NKAIN1: variants seen among roughly 807,000 people sequenced by gnomAD.
NKAIN1 encodes the protein sodium/potassium transporting ATPase interacting 1, also known as sodium/potassium-transporting ATPase subunit beta-1-interacting protein 1.
NKAIN1 carries 13 observed loss-of-function variants against 31.6 expected under a neutral mutation model. That is an observed-to-expected ratio of 0.41 (90% CI 0.27 to 0.65). The LOEUF (loss-of-function observed/expected upper bound fraction) is 0.65. Among genes scored for constraint, NKAIN1 ranks in the 30% least tolerant of loss-of-function variants. The probability of loss-of-function intolerance (pLI) is 0.30; values close to 1 mark genes in which losing one functional copy is unlikely to be tolerated. For synonymous variants in NKAIN1, 104 were observed against 109.0 expected (o/e 0.95, Z 0.28); for missense variants, 193 against 262.2 (o/e 0.74, Z 1.82).
intron 5 of NKAIN1, 140 bp from the exon 6 acceptor site, chr1:31,182,081 C>A: frequency 1.2e-6 from 1 of 834,958 alleles, no homozygotes; most frequent in Non-Finnish European, 1.9e-6. Context: ...AGGGGAGGGG[C>A]GAGGGTCAGA....
At chr1:31,207,950 A>G (rs1222886599) in intron 1 of NKAIN1, among the ~76,000 whole-genome samples, 3 of 152,124 alleles carry the variant, frequency 2.0e-5, no homozygotes, top group Non-Finnish European at 4.4e-5. Flanking sequence ...GCAGGAACAC[A>G]GATCTGCAGG....
intron 5 of NKAIN1, 42 bp from the exon 6 acceptor site, chr1:31,181,983 G>C: frequency 6.4e-7 from 1 of 1,558,496 alleles, no homozygotes; most frequent in Non-Finnish European, 8.7e-7. Flanking sequence ...CGGCGGCGGG[G>C]GCGAGGAGAG....
In NKAIN1 at chr1:31,184,008, C is replaced by CCCGGT. The variant is rs764398071; in HGVS notation, c.275_279dup (p.Asp94ThrfsTer6). ...GATGTGTTGAAGGTCATGATGAAGT[C>CCCGGT]CCGGTCCTGGGGGCAAAGGGGCCTG... is the stretch of plus-strand genomic sequence containing the variant. On this transcript the variant is annotated frameshift_variant, in exon 4 of 7. Coordinates refer to ENST00000373736, the MANE Select transcript of NKAIN1 (RefSeq NM_024522.3). LOFTEE classifies it high-confidence loss of function. 3 of 1,613,284 alleles carry CCCGGT rather than the reference C, an allele frequency of 1.9e-6. No individual in the cohort carries two copies. Among genetic ancestry groups the CCCGGT allele is most frequent in the Non-Finnish European group, 2.5e-6 (3 of 1,179,674 alleles).
intron 1 of NKAIN1, among the ~76,000 whole-genome samples, chr1:31,225,023 C>CTTTTT (rs1553163959): frequency 1.0e-5 from 1 of 98,522 alleles, no homozygotes; most frequent in South Asian, 3.4e-4. Context: ...ATTTCTTTTT[C>CTTTTT]TTTTCTTTTC....
At chr1:31,206,608 TG>T (rs1279875845) in intron 1 of NKAIN1, among the ~76,000 whole-genome samples, 7 of 151,440 alleles carry the variant, frequency 4.6e-5, no homozygotes, top group Admixed American at 4.6e-4. Flanking sequence ...GCTAATTTTT[TG>T]TATTTTTGGT....
chr1:31,184,253 C>T (rs145650593), intron 3 of NKAIN1, among the ~76,000 whole-genome samples: 1 of 152,152 alleles, frequency 6.6e-6, no homozygotes, highest in South Asian at 2.1e-4. Flanking sequence ...CTGGAAGGAA[C>T]ATTAACAATT....
intron 1 of NKAIN1, among the ~76,000 whole-genome samples, chr1:31,224,803 C>T (rs115588965): frequency 1.2e-3 from 189 of 152,300 alleles, no homozygotes; most frequent in Non-Finnish European, 2.1e-3. Flanking sequence ...GGGTTCCTCC[C>T]GCCTCTTCCC....
chr1:31,198,852 C>A (rs959802889), intron 1 of NKAIN1, among the ~76,000 whole-genome samples: 3 of 152,154 alleles, frequency 2.0e-5, no homozygotes, highest in Non-Finnish European at 2.9e-5. Context: ...GTCTAGACGC[C>A]AACCCCAGGA....
chr1:31,228,663 G>A (rs572655557), intron 1 of NKAIN1, among the ~76,000 whole-genome samples: 3 of 151,986 alleles, frequency 2.0e-5, no homozygotes, highest in South Asian at 2.1e-4. Flanking sequence ...GCATGATCTC[G>A]GCTCACTGCA....
intron 1 of NKAIN1, among the ~76,000 whole-genome samples, chr1:31,236,643 G>A (rs937335877): frequency 3.3e-5 from 5 of 152,138 alleles, no homozygotes; most frequent in Admixed American, 2.0e-4. Flanking sequence ...AGTTCCTCCC[G>A]CAAATGATCT....
At position 31,188,039 on chromosome 1, in the gene NKAIN1, G is replaced by A. The variant is rs1263245472; in HGVS notation, c.192+11C>T. On this transcript the variant is annotated intron_variant, in intron 2 of 6. Transcript: ENST00000373736. ...AGGAGTTGGCTTGGGAAGGGGCTAG[G>A]TGAGCCGTACCAGGATGAGGTACCG... The A allele has an allele frequency of 6.4e-7, 1 of 1,552,010 alleles. No homozygotes were observed. The highest frequency in any genetic ancestry group is 8.7e-7 in the Non-Finnish European group (1 of 1,147,222).
intron 3 of NKAIN1, among the ~76,000 whole-genome samples, chr1:31,184,721 A>G (rs910011241): frequency 1.3e-5 from 2 of 152,206 alleles, no homozygotes; most frequent in Non-Finnish European, 2.9e-5. Flanking sequence ...TGCCTCTTTT[A>G]TATCTAAAAA....
At position 31,183,856 on chromosome 1, in the gene NKAIN1, G is replaced by A. The variant is rs1645222156; in HGVS notation, c.432C>T (p.Tyr144=). ...SVTGCLLDYP[Y]IEALSSALQI... ...GCAGGGCGCTGCTGAGGGCTTCAAT[G>A]TAGGGGTAGTCAAGCAGGCAGCCAG... Residue 144 remains tyrosine (Y), a synonymous_variant, in exon 4 of 7, where the codon TAC becomes TAT. Coordinates refer to ENST00000373736, the MANE Select transcript of NKAIN1 (RefSeq NM_024522.3). 1 of 1,614,094 alleles carries A rather than the reference G, an allele frequency of 6.2e-7. No individual in the cohort carries two copies. Among genetic ancestry groups the A allele is most frequent in the Non-Finnish European group, 8.5e-7 (1 of 1,180,020 alleles).
Position 31,181,482 on chromosome 1 carries a change from G to A in NKAIN1, c.*221C>T. 3.6e-6 allele frequency: 1 copy of A among 279,328 alleles called. No individual in the cohort carries two copies. Among genetic ancestry groups the A allele is most frequent in the Non-Finnish European group, 6.6e-6 (1 of 151,482 alleles). 17.3% of individuals were successfully genotyped at this position (279,328 alleles called of 1,614,324 possible). ...ACCCGTGGTGCCCCTCCCCCGCCCC[G>A]CCCCACTCCTCCGAAGTCCGGGCTG... On this transcript the variant is annotated 3_prime_UTR_variant, in exon 7 of 7. Transcript: ENST00000373736.
intron 1 of NKAIN1, among the ~76,000 whole-genome samples, chr1:31,236,547 A>G (rs182346517): frequency 1.3e-5 from 2 of 152,292 alleles, no homozygotes; most frequent in Admixed American, 1.3e-4. Context: ...ATCAGGCAGT[A>G]GGGGCTCATG....
chr1:31,213,153 A>G (rs1645483981), intron 1 of NKAIN1, among the ~76,000 whole-genome samples: 1 of 151,826 alleles, frequency 6.6e-6, no homozygotes, highest in Admixed American at 6.6e-5. Context: ...TGAGAAGTCA[A>G]CCCATACAAT....
Position 31,232,418 on chromosome 1 carries a change from T to G in NKAIN1, c.54+7076A>C, listed in dbSNP as rs1162765945. Among the ~76,000 whole-genome samples the G allele has an allele frequency of 4.7e-3, 157 of 33,062 alleles. 9 individuals are homozygous for G. The highest frequency in any genetic ancestry group is 0.015 in the African/African-American group (150 of 10,282). The allele number at this position is 33,062 out of a possible 152,430, so 21.7% of individuals were successfully genotyped here. A position where few individuals can be genotyped will look rare whatever the true frequency, so the allele number is the denominator to read the frequency against. On this transcript the variant is annotated intron_variant, in intron 1 of 6. Transcript: ENST00000373736. The stretch of plus-strand genomic sequence containing the variant: ...CTTCATATATATATATATATATATA[T>G]ATATATAGAGAGAGAGAGAGAGAGA...
chr1:31,200,458 C>CTT (rs3081712), intron 1 of NKAIN1, among the ~76,000 whole-genome samples: 16,913 of 121,728 alleles, frequency 0.14, 1,986 homozygotes, highest in African/African-American at 0.29. Context: ...TCTCCTCTCT[C>CTT]TTTTTTTTTT....
chr1:31,191,835 G>A (rs1273289794), intron 1 of NKAIN1, among the ~76,000 whole-genome samples: 1 of 152,192 alleles, frequency 6.6e-6, no homozygotes, highest in Non-Finnish European at 1.5e-5. Context: ...GGGGTGCAAT[G>A]TGGTGATCAC....
Sources: gnomAD v4.1 joint callset for allele counts (sites outside exome capture counted in the v4.1 genomes callset) on GRCh38, gnomAD v4.1.1 for gene constraint, MANE v1.5 for transcripts, NCBI Gene and HGNC (gene_info 2026-07-23, HGNC 2026-07-21) for gene names.